The following OR4E1 variants were observed in gnomAD, a reference collection of about 807,000 sequenced individuals.
OR4E1 encodes olfactory receptor 4E1.
chr14:21,673,024 G>C (rs1431021578), intron 1 of OR4E1, 66 bp downstream of exon 1: 1 of 152,114 alleles, frequency 6.6e-6, no homozygotes, highest in African/African-American at 2.4e-5. Context: ...TCAATATCAA[G>C]ACTTTTATCT....
rs1156977280 is a variant in OR4E1, at chr14:21,668,784, A to G, written c.*1204T>C. ...AGAACAATATTGGATGCTGTTGCTT[A>G]GTTGAGTGAATTCTCTACATAATAA... On this transcript the variant is annotated 3_prime_UTR_variant, in exon 2 of 2. Transcript: ENST00000641792. 6.6e-6 allele frequency: 1 copy of G among 152,222 alleles called. No individual in the cohort carries two copies. The highest frequency in any genetic ancestry group is 1.5e-5 in the Non-Finnish European group (1 of 68,038). 9.4% of individuals were successfully genotyped at this position (152,222 alleles called of 1,614,324 possible). A position where few individuals can be genotyped will look rare whatever the true frequency, so the allele number is the denominator to read the frequency against.
At position 21,669,945 on chromosome 14, in the gene OR4E1, T is replaced by C; in HGVS notation, c.*43A>G. The C allele has an allele frequency of 7.5e-6, 3 of 398,210 alleles. No homozygotes were observed. The highest frequency in any genetic ancestry group is 1.3e-5 in the Non-Finnish European group (3 of 226,028). The allele number at this position is 398,210 out of a possible 1,614,324, so 24.7% of individuals were successfully genotyped here. A position where few individuals can be genotyped will look rare whatever the true frequency, so the allele number is the denominator to read the frequency against. Reference sequence around the variant, plus strand: ...TGTAACTTATTCTTTGCAAGGCGCTTCTTTAATTTGGAGCACCACGTATCC... The same window carrying C: ...TGTAACTTATTCTTTGCAAGGCGCTCCTTTAATTTGGAGCACCACGTATCC... On this transcript the variant is annotated 3_prime_UTR_variant, in exon 2 of 2. Coordinates refer to ENST00000641792, the MANE Select transcript of OR4E1 (RefSeq NM_001317107.2).
chr14:21,672,314 A>C (rs1365785227), intron 1 of OR4E1, among the ~76,000 whole-genome samples: 1 of 152,170 alleles, frequency 6.6e-6, no homozygotes, highest in East Asian at 1.9e-4. Context: ...ATCCCTCAAG[A>C]TCAGGCTCCC....
At position 21,673,111 on chromosome 14, in the gene OR4E1, G is replaced by A. The variant is rs151009962; in HGVS notation, c.-39C>T. The A allele has an allele frequency of 2.0e-5, 3 of 152,252 alleles. No individual in the cohort carries two copies. The highest frequency in any genetic ancestry group is 2.0e-4 in the Admixed American group (3 of 15,296). The allele number at this position is 152,252 out of a possible 1,614,324, so 9.4% of individuals were successfully genotyped here. ...TTACCTTGCTTTCTCCAATAAGAAA[G>A]GTGAGAGCCCTTGAAGTTCCCTCCT... On this transcript the variant is annotated 5_prime_UTR_variant, in exon 1 of 2. Coordinates refer to ENST00000641792, the MANE Select transcript of OR4E1 (RefSeq NM_001317107.2).
rs914650020 is a variant in OR4E1 at position 21,669,988 on chromosome 14, T to A, written c.948A>T (p.Ter316CysextTer6). The part of the protein sequence containing the change: ...VGRKERKEEK[*>C] ...ACGTATCCTAAGGACGTAGACATTTTCATTTTTCTTCTTTTCTCTCTTTTC... is the reference window on the plus strand; with the variant it reads ...ACGTATCCTAAGGACGTAGACATTTACATTTTTCTTCTTTTCTCTCTTTTC... The change falls in exon 2 of 2, where the codon TGA becomes TGT. Residue 316 changes from the stop codon to cysteine, a stop_lost. Coordinates refer to ENST00000641792, the MANE Select transcript of OR4E1 (RefSeq NM_001317107.2). 1 of 398,566 alleles carries A rather than the reference T, an allele frequency of 2.5e-6. No homozygotes were observed. The highest frequency in any genetic ancestry group is 4.4e-6 in the Non-Finnish European group (1 of 226,114). 24.7% of individuals were successfully genotyped at this position (398,566 alleles called of 1,614,324 possible).
rs1467270090 is a variant in OR4E1 at position 21,673,201 on chromosome 14, G to C, written c.-129C>G. On this transcript the variant is annotated 5_prime_UTR_variant, in exon 1 of 2. Coordinates refer to ENST00000641792, the MANE Select transcript of OR4E1 (RefSeq NM_001317107.2). ...TATTTGGCGATATTTTCTGGTAAAAGGTACTATTTCAGGCTGTCTGTAAAA... is the reference window on the plus strand; with the variant it reads ...TATTTGGCGATATTTTCTGGTAAAACGTACTATTTCAGGCTGTCTGTAAAA... 6.6e-6 allele frequency: 1 copy of C among 151,990 alleles called. No homozygotes were observed. Among genetic ancestry groups the C allele is most frequent in the Non-Finnish European group, 1.5e-5 (1 of 67,998 alleles). The allele number at this position is 151,990 out of a possible 1,614,324, so 9.4% of individuals were successfully genotyped here.
Position 21,670,009 on chromosome 14 carries a change from T to C in OR4E1, c.927A>G (p.Lys309=). The part of the protein sequence containing the change: ...KSALNKLVGR[K]ERKEEK ...ATTTTCATTTTTCTTCTTTTCTCTC[T>C]TTTCTCCCCACTAACTTGTTTAAGG... Residue 309 remains lysine (K), a synonymous_variant, in exon 2 of 2, where the codon AAA becomes AAG. Transcript: ENST00000641792. 2.5e-6 allele frequency: 1 copy of C among 398,638 alleles called. No homozygotes were observed. The allele number at this position is 398,638 out of a possible 1,614,324, so 24.7% of individuals were successfully genotyped here.
rs1313478447 is a variant in OR4E1, at chr14:21,669,390, C to T, written c.*598G>A. 6.6e-6 allele frequency: 1 copy of T among 152,188 alleles called. No homozygotes were observed. The highest frequency in any genetic ancestry group is 1.5e-5 in the Non-Finnish European group (1 of 68,028). 9.4% of individuals were successfully genotyped at this position (152,188 alleles called of 1,614,324 possible). On this transcript the variant is annotated 3_prime_UTR_variant, in exon 2 of 2. Transcript: ENST00000641792. ...AGTAAGATATCCCCATTTCATTGCT[C>T]TGATGGCAGATTTTGCCTGGATACT... is the stretch of plus-strand genomic sequence containing the variant.
At position 21,670,803 on chromosome 14, in the gene OR4E1, C is replaced by T; in HGVS notation, c.133G>A (p.Gly45Arg). 1 of 399,712 alleles carries T rather than the reference C, an allele frequency of 2.5e-6. No homozygotes were observed. The allele number at this position is 399,712 out of a possible 1,614,324, so 24.8% of individuals were successfully genotyped here. A position where few individuals can be genotyped will look rare whatever the true frequency, so the allele number is the denominator to read the frequency against. ...ATAGTTATGACAATGAGAACATTCCCAATCAGTGTCAGGACATAAAAAATG... is the reference window on the plus strand; with the variant it reads ...ATAGTTATGACAATGAGAACATTCCTAATCAGTGTCAGGACATAAAAAATG... ...FLIFYVLTLI[G>R]NVLIVITIIY... is the part of the protein sequence containing the mutation. Residue 45 changes from glycine to arginine, a missense_variant, in exon 2 of 2, where the codon GGG becomes AGG. Transcript: ENST00000641792.
rs548557092 is a variant in OR4E1 at position 21,671,579 on chromosome 14, G to A, written c.-17-627C>T. On this transcript the variant is annotated intron_variant, in intron 1 of 1. Coordinates refer to ENST00000641792, the MANE Select transcript of OR4E1 (RefSeq NM_001317107.2). ...GAGAAGGCAGGATAAAACCCTGGAA[G>A]CCTTGGAAAATGTGGAAGTTGACCT... is the stretch of plus-strand genomic sequence containing the variant. Among the ~76,000 whole-genome samples, 6 of 152,262 alleles carry A rather than the reference G, an allele frequency of 3.9e-5. No homozygotes were observed. In the South Asian group the frequency reaches 1.2e-3, roughly 32 times the overall value.
At chr14:21,672,766 A>AT (rs534412916) in intron 1 of OR4E1, among the ~76,000 whole-genome samples, 141 of 152,196 alleles carry the variant, frequency 9.3e-4, no homozygotes, top group Admixed American at 1.8e-3. Flanking sequence ...CATAATTATC[A>AT]TTTTTTTCTA....
In OR4E1 at chr14:21,668,690, T is replaced by A. The variant is rs899186533; in HGVS notation, c.*1298A>T. The A allele has an allele frequency of 1.8e-4, 27 of 152,242 alleles. No individual in the cohort carries two copies. The highest frequency in any genetic ancestry group is 6.0e-4 in the African/African-American group (25 of 41,468). The allele number at this position is 152,242 out of a possible 1,614,324, so 9.4% of individuals were successfully genotyped here. A position where few individuals can be genotyped will look rare whatever the true frequency, so the allele number is the denominator to read the frequency against. On this transcript the variant is annotated 3_prime_UTR_variant, in exon 2 of 2. Transcript: ENST00000641792. Reference sequence around the variant, plus strand: ...ATGGTTTATCCAACTTGGTGTTTTCTACCAAGTTTCTACCAAGTTGTTTTC... The same window carrying A: ...ATGGTTTATCCAACTTGGTGTTTTCAACCAAGTTTCTACCAAGTTGTTTTC...
rs1038151160 is a variant in OR4E1 at position 21,673,717 on chromosome 14, C to T, written c.-645G>A. 1.3e-5 allele frequency: 2 copies of T among 151,950 alleles called. No homozygotes were observed. Among genetic ancestry groups the T allele is most frequent in the Non-Finnish European group, 2.9e-5 (2 of 68,016 alleles). 9.4% of individuals were successfully genotyped at this position (151,950 alleles called of 1,614,324 possible). On this transcript the variant is annotated 5_prime_UTR_variant, in exon 1 of 2. Transcript: ENST00000641792. ...AGAAAACCAGTGCGGCAGAAGCATC[C>T]TATTTCCTTTGCAGCACACTGTTTA...
rs1490597657 is a variant in OR4E1, at chr14:21,668,473, T to C, written c.*1515A>G. ...GAGTGCCTAGGAAATCCCAGCTGCA[T>C]TTAAGCATGCCTTTTTTAGCGATGA... is the stretch of plus-strand genomic sequence containing the variant. On this transcript the variant is annotated 3_prime_UTR_variant, in exon 2 of 2. Coordinates refer to ENST00000641792, the MANE Select transcript of OR4E1 (RefSeq NM_001317107.2). The C allele has an allele frequency of 3.4e-5, 5 of 146,342 alleles. No individual in the cohort carries two copies. Among genetic ancestry groups the C allele is most frequent in the Admixed American group, 1.4e-4 (2 of 14,126 alleles). 9.1% of individuals were successfully genotyped at this position (146,342 alleles called of 1,614,324 possible).
Position 21,671,523 on chromosome 14 carries a change from C to T in OR4E1, c.-17-571G>A, listed in dbSNP as rs17254931. ...TACCAAGCTACTGGACAATTGGCAACGTGGCTGTGATGTTCTTGAACAATT... is the reference window on the plus strand; with the variant it reads ...TACCAAGCTACTGGACAATTGGCAATGTGGCTGTGATGTTCTTGAACAATT... On this transcript the variant is annotated intron_variant, in intron 1 of 1. Coordinates refer to ENST00000641792, the MANE Select transcript of OR4E1 (RefSeq NM_001317107.2). Among the ~76,000 whole-genome samples the T allele has an allele frequency of 7.1e-3, 1,077 of 152,252 alleles. 29 individuals are homozygous for T. The highest frequency in any genetic ancestry group is 0.052 in the Admixed American group (790 of 15,300).
At position 21,670,115 on chromosome 14, in the gene OR4E1, A is replaced by G. The variant is rs7144135; in HGVS notation, c.821T>C (p.Val274Ala). 0.2 allele frequency: 79,024 copies of G among 398,678 alleles called. 9,599 individuals are homozygous for G. Among genetic ancestry groups the G allele is most frequent in the East Asian group, 0.46 (13,040 of 28,072 alleles). 24.7% of individuals were successfully genotyped at this position (398,678 alleles called of 1,614,324 possible). Residue 274 changes from valine (V) to alanine (A), a missense_variant, in exon 2 of 2, where the codon GTA (valine) becomes GCA (alanine). Physicochemically the swap from Val to Ala is moderately conservative, Grantham distance 64 (BLOSUM62 0). Transcript: ENST00000641792. ...RPSTSLPEDK[V>A]VSVFFTAVTP... Reference sequence around the variant, plus strand: ...GACTGCAGTGAAAAACACAGATACTACCTTGTCCTCTGGGAGGCTGGTGGA... The same window carrying G: ...GACTGCAGTGAAAAACACAGATACTGCCTTGTCCTCTGGGAGGCTGGTGGA...
At position 21,673,798 on chromosome 14, in the gene OR4E1, A is replaced by C. The variant is rs1483660544; in HGVS notation, c.-726T>G. 1.3e-5 allele frequency: 2 copies of C among 152,112 alleles called. No individual in the cohort carries two copies. The highest frequency in any genetic ancestry group is 2.9e-5 in the Non-Finnish European group (2 of 68,034). 9.4% of individuals were successfully genotyped at this position (152,112 alleles called of 1,614,324 possible). ...GGATTATTCCACCTTCAAGTACTGA[A>C]GGGGAATCTGTAGAGAAAGAAGCGC... On this transcript the variant is annotated 5_prime_UTR_variant, in exon 1 of 2. Transcript: ENST00000641792.
chr14:21,669,992 T>A lies in OR4E1; in HGVS notation c.944A>T (p.Lys315Ile). Residue 315 changes from lysine to isoleucine, a missense_variant, in exon 2 of 2, where the codon AAA (lysine) becomes ATA (isoleucine). By Grantham distance (102) the Lys-to-Ile change is moderately radical. Coordinates refer to ENST00000641792, the MANE Select transcript of OR4E1 (RefSeq NM_001317107.2). ...ATCCTAAGGACGTAGACATTTTCATTTTTCTTCTTTTCTCTCTTTTCTCCC... is the reference window on the plus strand; with the variant it reads ...ATCCTAAGGACGTAGACATTTTCATATTTCTTCTTTTCTCTCTTTTCTCCC... ...LVGRKERKEE[K>I] 1 of 398,622 alleles carries A rather than the reference T, an allele frequency of 2.5e-6. No homozygotes were observed. Among genetic ancestry groups the A allele is most frequent in the Non-Finnish European group, 4.4e-6 (1 of 226,094 alleles). The allele number at this position is 398,622 out of a possible 1,614,324, so 24.7% of individuals were successfully genotyped here.
Position 21,670,278 on chromosome 14 carries a change from C to A in OR4E1, c.658G>T (p.Val220Leu). Residue 220 changes from valine (V) to leucine (L), a missense_variant, in exon 2 of 2, where the codon GTG becomes TTG. By Grantham distance (32) the Val-to-Leu change is conservative. Transcript: ENST00000641792. Reference protein sequence around the residue: ...ISVVCFVVLVVSYAVILVSLR... With the variant: ...ISVVCFVVLVLSYAVILVSLR... ...CTCACCAGGATGACTGCGTAGGACA[C>A]CACCAGGACCACAAAACAGACCACG... is the stretch of plus-strand genomic sequence containing the variant. The A allele has an allele frequency of 2.5e-6, 1 of 398,854 alleles. No homozygotes were observed. Among genetic ancestry groups the A allele is most frequent in the Non-Finnish European group, 4.4e-6 (1 of 226,234 alleles). 24.7% of individuals were successfully genotyped at this position (398,854 alleles called of 1,614,324 possible).
Sources: allele counts gnomAD v4.1 joint callset (sites outside exome capture counted in the v4.1 genomes callset), GRCh38; gene constraint gnomAD v4.1.1; transcripts MANE v1.5; gene names NCBI Gene and HGNC (gene_info 2026-07-23, HGNC 2026-07-21).